Variants in TBC1D22A observed in about 807,000 individuals in gnomAD.
The protein encoded by TBC1D22A is TBC1 domain family member 22A.
TBC1D22A carries 38 observed loss-of-function variants against 60.2 expected under a neutral mutation model. The observed-to-expected ratio is 0.63, with a 90% CI of 0.49 to 0.83. The LOEUF is 0.83. Among genes scored for constraint, TBC1D22A ranks in the 40% least tolerant of loss-of-function variants. TBC1D22A has a pLI of 0.00. For synonymous variants in TBC1D22A, 302 were observed against 281.7 expected (o/e 1.07, Z -0.72); for missense variants, 628 against 701.0 (o/e 0.90, Z 1.18).
intron 10 of TBC1D22A, among the ~76,000 whole-genome samples, chr22:47,033,933 G>A (rs1008296466): frequency 1.3e-5 from 2 of 152,076 alleles, no homozygotes; most frequent in Admixed American, 6.5e-5. Flanking sequence ...CATCTGTGGG[G>A]ATCCTGAGAC....
intron 11 of TBC1D22A, among the ~76,000 whole-genome samples, chr22:47,060,588 G>A (rs1391673473): frequency 6.6e-6 from 1 of 152,058 alleles, no homozygotes; most frequent in African/African-American, 2.4e-5. Context: ...CTGCCACCAC[G>A]CCCACCTAAT....
intron 9 of TBC1D22A, among the ~76,000 whole-genome samples, chr22:46,985,320 AC>A (rs907644148): frequency 6.6e-6 from 1 of 152,168 alleles, no homozygotes. Context: ...TCAAATCCAC[AC>A]CTGCCCCAGA....
chr22:46,860,199 C>CTTG, intron 4 of TBC1D22A, among the ~76,000 whole-genome samples: 2 of 7,264 alleles, frequency 2.8e-4, no homozygotes, highest in Non-Finnish European at 2.3e-4. Context: ...AATCCTTTTC[C>CTTG]ATAGAGGTCC....
At chr22:46,996,410 A>C (rs114030515) in intron 9 of TBC1D22A, among the ~76,000 whole-genome samples, 1,584 of 152,310 alleles carry the variant, frequency 0.01, 22 homozygotes, top group African/African-American at 0.036. Context: ...GCCAGAACCC[A>C]CAGGAGCCCC....
chr22:46,847,339 A>G (rs1324564628), intron 4 of TBC1D22A, among the ~76,000 whole-genome samples: 2 of 152,238 alleles, frequency 1.3e-5, no homozygotes, highest in Non-Finnish European at 2.9e-5. Flanking sequence ...TCGGAGGAGC[A>G]GAAGTCACCT....
intron 1 of TBC1D22A, among the ~76,000 whole-genome samples, chr22:46,785,330 T>C (rs1017107596): frequency 1.3e-5 from 2 of 152,178 alleles, no homozygotes; most frequent in East Asian, 3.8e-4. Context: ...TTGTGGCTAA[T>C]TTTGGCATCT....
At chr22:47,095,510 A>G (rs1234579805) in intron 11 of TBC1D22A, among the ~76,000 whole-genome samples, 8 of 152,244 alleles carry the variant, frequency 5.3e-5, no homozygotes, top group Non-Finnish European at 8.8e-5. Flanking sequence ...TTTGCATTTA[A>G]TCTTAGTCAT....
intron 12 of TBC1D22A, among the ~76,000 whole-genome samples, chr22:47,148,805 T>C (rs1377006678): frequency 6.6e-6 from 1 of 152,098 alleles, no homozygotes; most frequent in African/African-American, 2.4e-5. Context: ...CCTGGGGTCT[T>C]TCACTTGGGG....
At chr22:47,172,424 C>T (rs149686536) in intron 12 of TBC1D22A, among the ~76,000 whole-genome samples, 25 of 152,174 alleles carry the variant, frequency 1.6e-4, no homozygotes, top group African/African-American at 5.1e-4. Context: ...GTACAGGAGG[C>T]GAGATTTTAA....
chr22:47,117,289 C>T (rs2066103827), intron 12 of TBC1D22A: 1 of 171,558 alleles, frequency 5.8e-6, no homozygotes, highest in Non-Finnish European at 1.3e-5. Context: ...CTGGGTAGAG[C>T]AGGGAGTCAC....
intron 10 of TBC1D22A, among the ~76,000 whole-genome samples, chr22:47,031,098 G>A (rs1040371242): frequency 3.3e-5 from 5 of 152,212 alleles, no homozygotes; most frequent in African/African-American, 9.6e-5. Context: ...TCAGCGGAGC[G>A]CTTGCCATGG....
Position 46,865,216 on chromosome 22 carries a change from C to A in TBC1D22A, c.638-13437C>A, listed in dbSNP as rs138586075. Among the ~76,000 whole-genome samples the A allele has an allele frequency of 1.4e-3, 210 of 152,298 alleles. 2 individuals are homozygous for A. In the East Asian group the frequency reaches 0.033, roughly 24 times the overall value. ...AGTCTTATTTCTTGCAGGCACCACC[C>A]CCCGCTGCATCTCCACCCTCTGGAT... is the stretch of plus-strand genomic sequence containing the variant. On this transcript the variant is annotated intron_variant, in intron 4 of 12. Transcript: ENST00000337137.
chr22:46,906,984 A>G (rs1383584365), intron 7 of TBC1D22A, among the ~76,000 whole-genome samples: 1 of 140,232 alleles, frequency 7.1e-6, no homozygotes, highest in Non-Finnish European at 1.6e-5. Flanking sequence ...GTGCACTTAC[A>G]CTCTTCTCTG....
At chr22:46,945,519 G>A (rs893383312) in intron 8 of TBC1D22A, among the ~76,000 whole-genome samples, 3 of 152,220 alleles carry the variant, frequency 2.0e-5, no homozygotes, top group African/African-American at 7.2e-5. Context: ...CTGAGGGTCT[G>A]AGCCAGGATC....
Position 47,081,034 on chromosome 22 carries a change from T to G in TBC1D22A, c.1330-30474T>G, listed in dbSNP as rs1228977744. 2.0e-5 allele frequency among the ~76,000 whole-genome samples: 3 copies of G among 149,728 alleles called. No individual in the cohort carries two copies. In the East Asian group the frequency reaches 6.0e-4, roughly 30 times the overall value. On this transcript the variant is annotated intron_variant, in intron 11 of 12. Coordinates refer to ENST00000337137, the MANE Select transcript of TBC1D22A (RefSeq NM_014346.5). ...ACTAGGGAGGCTGAGGCAGGAGAAT[T>G]GCTTGAACCTGGGAGGCGAAGGTTG...
intron 7 of TBC1D22A, among the ~76,000 whole-genome samples, chr22:46,898,543 T>TA (rs2068808524): frequency 6.7e-6 from 1 of 148,618 alleles, no homozygotes; most frequent in Non-Finnish European, 1.5e-5. Context: ...ATTTTTTTTT[T>TA]AACCTAAAAC....
intron 8 of TBC1D22A, among the ~76,000 whole-genome samples, chr22:46,950,387 T>G (rs775960212): frequency 6.6e-6 from 1 of 152,150 alleles, no homozygotes; most frequent in Non-Finnish European, 1.5e-5. Context: ...CTGTTGCACA[T>G]CCTAATCATT....
At chr22:46,769,719 A>G (rs992233731) in intron 1 of TBC1D22A, among the ~76,000 whole-genome samples, 29 of 152,290 alleles carry the variant, frequency 1.9e-4, no homozygotes, top group Admixed American at 6.5e-4. Context: ...CCTAAGAGCC[A>G]TGAGAGAGTG....
At chr22:46,924,745 C>CA (rs5845771) in intron 8 of TBC1D22A, among the ~76,000 whole-genome samples, 101,342 of 149,020 alleles carry the variant, frequency 0.68, 34,369 homozygotes, top group South Asian at 0.79. Flanking sequence ...AACTCTATCT[C>CA]AAAAAAAAAA....
Sources: gnomAD v4.1 joint callset for allele counts (sites outside exome capture counted in the v4.1 genomes callset) on GRCh38, gnomAD v4.1.1 for gene constraint, MANE v1.5 for transcripts, NCBI Gene and HGNC (gene_info 2026-07-23, HGNC 2026-07-21) for gene names.